Variants in DNAH12 observed in about 807,000 individuals in gnomAD.
DNAH12 encodes the protein axonemal beta dynein heavy chain 12.
Under a neutral mutation model 371.5 loss-of-function variants are expected in DNAH12, and 285 were observed. The observed-to-expected ratio is 0.77, with a 90% CI of 0.70 to 0.85. The LOEUF is 0.85. Among genes scored for constraint, DNAH12 ranks in the 40% least tolerant of loss-of-function variants. DNAH12 has a pLI of 0.00. For missense variants in DNAH12, 3,611 were observed against 3,689.4 expected, an observed-to-expected ratio of 0.98 and a Z score of 0.55; for synonymous variants, 1,200 against 1,213.0, an observed-to-expected ratio of 0.99 and a Z score of 0.22.
intron 29 of DNAH12, among the ~76,000 whole-genome samples, chr3:57,443,843 A>G (rs769808646): frequency 1.3e-5 from 2 of 152,236 alleles, no homozygotes; most frequent in Non-Finnish European, 2.9e-5. Flanking sequence ...ACTATATATT[A>G]CACAATAGTG....
At chr3:57,503,139 G>T (rs530315512) in intron 9 of DNAH12, among the ~76,000 whole-genome samples, 2 of 152,288 alleles carry the variant, frequency 1.3e-5, no homozygotes, top group East Asian at 3.9e-4. Flanking sequence ...TATTGTCCCA[G>T]CTACTTGGGA....
At chr3:57,381,838 G>C (rs954566568) in intron 50 of DNAH12, among the ~76,000 whole-genome samples, 1 of 151,628 alleles carries the variant, frequency 6.6e-6, no homozygotes, top group Non-Finnish European at 1.5e-5. Flanking sequence ...TGCATAGACA[G>C]AAAAGGAGAT....
chr3:57,325,663 C>T (rs1393214317), intron 62 of DNAH12, among the ~76,000 whole-genome samples: 2 of 152,164 alleles, frequency 1.3e-5, no homozygotes, highest in Admixed American at 1.3e-4. Flanking sequence ...AAGCAGAGCA[C>T]CTCTCCTCCT....
chr3:57,451,163 C>G (rs868291527), intron 25 of DNAH12, among the ~76,000 whole-genome samples: 15 of 152,330 alleles, frequency 9.8e-5, no homozygotes, highest in Middle Eastern at 6.8e-3. Context: ...CCTAATAAAT[C>G]CTTTGCACAA....
rs1193487995 is a variant in DNAH12, at chr3:57,433,462, A to G, written c.4885T>C (p.Ser1629Pro). Residue 1629 changes from serine to proline, a missense_variant, in exon 32 of 74, where the codon TCA becomes CCA. Physicochemically the swap from Ser to Pro is moderately conservative, Grantham distance 74 (BLOSUM62 -1). This residue lies in a region of DNAH12 where 2,266 missense variants were observed against 2,236.9 expected (regional missense o/e 1.01). Transcript: ENST00000495027. ...ACCCATTTCCGGTCAGGTGTTTCTG[A>G]TAAGGCAAATTCTCTAAAAGTGTTA... Reference protein sequence around the residue: ...VANTFREFALSETPDRKWVVF... With the variant: ...VANTFREFALPETPDRKWVVF... 3.9e-6 allele frequency: 6 copies of G among 1,551,458 alleles called. No homozygotes were observed. In the African/African-American group the frequency reaches 5.5e-5, roughly 14 times the overall value.
chr3:57,462,961 G>A, intron 17 of DNAH12, 86 bp from the exon 18 acceptor site: 1 of 842,488 alleles, frequency 1.2e-6, no homozygotes, highest in Non-Finnish European at 1.8e-6. Flanking sequence ...GATGATATAA[G>A]GGTTACATTT....
intron 35 of DNAH12, among the ~76,000 whole-genome samples, chr3:57,422,747 G>C (rs1303010940): frequency 2.0e-5 from 3 of 152,184 alleles, no homozygotes; most frequent in African/African-American, 7.2e-5. Flanking sequence ...CTGTGAAAAT[G>C]ACACATGTAC....
Position 57,483,357 on chromosome 3 carries a change from G to A in DNAH12, c.1650+19C>T. On this transcript the variant is annotated intron_variant, in intron 13 of 73. Transcript: ENST00000495027. ...TCACAATGAAAACAAACCAAAATAT[G>A]CAAATTAAAATTCCTTACCTGGATC... 1.9e-6 allele frequency: 3 copies of A among 1,539,782 alleles called. No individual in the cohort carries two copies. Among genetic ancestry groups the A allele is most frequent in the Non-Finnish European group, 2.6e-6 (3 of 1,144,316 alleles).
At chr3:57,381,318 G>A (rs1354441548) in intron 50 of DNAH12, among the ~76,000 whole-genome samples, 4 of 149,340 alleles carry the variant, frequency 2.7e-5, no homozygotes, top group Non-Finnish European at 5.9e-5. Context: ...TTATCTCAAT[G>A]AAGGACAGAA....
chr3:57,501,515 T>A (rs1055286425), intron 10 of DNAH12, 103 bp from the exon 11 acceptor site: 2 of 742,926 alleles, frequency 2.7e-6, no homozygotes, highest in African/African-American at 3.7e-5. Context: ...AATTAAATAT[T>A]ATTATTAATA....
chr3:57,302,231 AT>A (rs1225759333), intron 69 of DNAH12, among the ~76,000 whole-genome samples: 1 of 152,158 alleles, frequency 6.6e-6, no homozygotes, highest in Non-Finnish European at 1.5e-5. Flanking sequence ...GCAGACAATG[AT>A]TTAAGGAAAA....
chr3:57,304,359 TCGGGTCCTCAGACCGA>T (rs1460164112), intron 69 of DNAH12, among the ~76,000 whole-genome samples: 2 of 152,156 alleles, frequency 1.3e-5, no homozygotes, highest in Non-Finnish European at 2.9e-5. Context: ...ACCTATGACC[TCGGGTCCTCAGACCGA>T]CCAGCCCAAG....
At chr3:57,393,660 GAAAAAGAAAAAGAA>G (rs2063677111) in intron 44 of DNAH12, among the ~76,000 whole-genome samples, 1 of 119,730 alleles carries the variant, frequency 8.4e-6, no homozygotes, top group African/African-American at 4.2e-5. Flanking sequence ...AAGAAAGAAA[GAAAAAGAAAAAGAA>G]AAAGAAATGA....
At chr3:57,339,695 A>G (rs979550594) in intron 60 of DNAH12, among the ~76,000 whole-genome samples, 4 of 152,174 alleles carry the variant, frequency 2.6e-5, no homozygotes, top group Non-Finnish European at 4.4e-5. Context: ...GTATAAACCA[A>G]TAACAAGAGG....
At chr3:57,509,987 A>C (rs2067927184) in intron 5 of DNAH12, among the ~76,000 whole-genome samples, 1 of 152,004 alleles carries the variant, frequency 6.6e-6, no homozygotes, top group African/African-American at 2.4e-5. Context: ...ACACACAAAA[A>C]ATGATAAATA....
At chr3:57,311,134 G>A (rs1355254655) in intron 66 of DNAH12, among the ~76,000 whole-genome samples, 184 bp from the exon 67 acceptor site, 1 of 152,182 alleles carries the variant, frequency 6.6e-6, no homozygotes. Flanking sequence ...GGAGTGCAGA[G>A]GCATGATTTC....
intron 4 of DNAH12, among the ~76,000 whole-genome samples, chr3:57,516,051 G>GTATTT (rs1400729891): frequency 1.7e-5 from 1 of 60,220 alleles, no homozygotes; most frequent in African/African-American, 6.7e-5. Flanking sequence ...GTACTGCTTA[G>GTATTT]TCTTTTTTTT....
At chr3:57,536,882 C>G (rs533218596) in intron 2 of DNAH12, among the ~76,000 whole-genome samples, 13 of 77,678 alleles carry the variant, frequency 1.7e-4, no homozygotes, top group Non-Finnish European at 3.9e-4. Flanking sequence ...ACAAGTGAGC[C>G]TTTTCACTAC....
intron 17 of DNAH12, among the ~76,000 whole-genome samples, chr3:57,465,016 G>T (rs2066157489): frequency 6.6e-6 from 1 of 152,174 alleles, no homozygotes; most frequent in East Asian, 1.9e-4. Flanking sequence ...AATGTAATAT[G>T]GGTGGATATG....
Sources: allele counts gnomAD v4.1 joint callset (sites outside exome capture counted in the v4.1 genomes callset), GRCh38; gene constraint gnomAD v4.1.1; regional missense constraint gnomAD v4.1.1; transcripts MANE v1.5; gene names NCBI Gene and HGNC (gene_info 2026-07-23, HGNC 2026-07-21).